Variants in FRMD6 observed in about 807,000 individuals in gnomAD.
The protein encoded by FRMD6 is FERM domain containing 6.
Under a neutral mutation model 73.2 loss-of-function variants are expected in FRMD6, and 37 were observed. The ratio of observed to expected loss-of-function variants is 0.51; its 90% confidence interval spans 0.39 to 0.66. The LOEUF is 0.66. Ranked by LOEUF, FRMD6 falls within the 30% of genes least tolerant of loss-of-function variation. FRMD6 has a pLI of 0.00. For missense variants in FRMD6, 714 were observed against 780.5 expected, an observed-to-expected ratio of 0.91 and a Z score of 1.02; for synonymous variants, 273 against 282.2, an observed-to-expected ratio of 0.97 and a Z score of 0.33.
At chr14:51,585,621 A>G (rs1184051346) in intron 2 of FRMD6, among the ~76,000 whole-genome samples, 2 of 152,070 alleles carry the variant, frequency 1.3e-5, no homozygotes, top group East Asian at 3.9e-4. Context: ...CCTCATCTAT[A>G]AGATAGGAAT....
At chr14:51,545,220 T>A (rs1886405191) in intron 1 of FRMD6, among the ~76,000 whole-genome samples, 1 of 152,100 alleles carries the variant, frequency 6.6e-6, no homozygotes, top group African/African-American at 2.4e-5. Context: ...ATATTTAATA[T>A]CAACTTTTGC....
chr14:51,706,311 G>A (rs1031539484), intron 6 of FRMD6, among the ~76,000 whole-genome samples: 1 of 152,080 alleles, frequency 6.6e-6, no homozygotes, highest in South Asian at 2.1e-4. Flanking sequence ...CGTGTTCTCA[G>A]CAGCACTGTT....
intron 2 of FRMD6, among the ~76,000 whole-genome samples, chr14:51,620,344 A>G (rs1379974191): frequency 6.6e-6 from 1 of 152,176 alleles, no homozygotes; most frequent in African/African-American, 2.4e-5. Context: ...TCATGAAGGA[A>G]ATTCTGTAGG....
the FRMD6 span, among the ~76,000 whole-genome samples, chr14:51,470,050 A>G: frequency 6.6e-6 from 1 of 152,174 alleles, no homozygotes; most frequent in East Asian, 1.9e-4. Context: ...TTTTTTATTT[A>G]ATCTAAAAAC....
intron 2 of FRMD6, among the ~76,000 whole-genome samples, chr14:51,693,051 TTC>T (rs1229588703): frequency 6.6e-6 from 1 of 152,184 alleles, no homozygotes; most frequent in Non-Finnish European, 1.5e-5. Context: ...TTAGCTTCAT[TTC>T]TGTCTTCCCT....
At chr14:51,724,964 C>T (rs1470507667) in intron 12 of FRMD6, among the ~76,000 whole-genome samples, 2 of 152,076 alleles carry the variant, frequency 1.3e-5, no homozygotes, top group Non-Finnish European at 2.9e-5. Flanking sequence ...GGGTTTCCAC[C>T]GAGTGCTAAA....
chr14:51,657,215 CT>C (rs893468395), intron 1 of FRMD6, among the ~76,000 whole-genome samples: 20 of 148,808 alleles, frequency 1.3e-4, no homozygotes, highest in African/African-American at 2.0e-4. Context: ...CAGTAGATGA[CT>C]TTTTTTTTTG....
At chr14:51,470,598 C>A in the FRMD6 span, among the ~76,000 whole-genome samples, 152,326 of 152,326 alleles carry the variant, frequency 1, 76,163 homozygotes, top group Non-Finnish European at 1. Flanking sequence ...TTATCTTTAT[C>A]TTTTTTGCTC....
At chr14:51,711,662 G>T (rs1350782654) in intron 8 of FRMD6, 66 bp downstream of exon 8, 5 of 1,161,816 alleles carry the variant, frequency 4.3e-6, no homozygotes, top group East Asian at 2.3e-5. Flanking sequence ...TGCCTCTGTG[G>T]TCCTGCCACA....
intron 2 of FRMD6, among the ~76,000 whole-genome samples, chr14:51,571,604 C>T (rs1888141679): frequency 6.6e-6 from 1 of 152,146 alleles, no homozygotes; most frequent in Non-Finnish European, 1.5e-5. Flanking sequence ...GTAAATGTGG[C>T]TCCCAAGAGT....
At chr14:51,483,679 C>T in the FRMD6 span, among the ~76,000 whole-genome samples, 4 of 152,094 alleles carry the variant, frequency 2.6e-5, no homozygotes, top group Admixed American at 6.5e-5. Flanking sequence ...AGAAAGCCAT[C>T]GTAGGGTTTT....
chr14:51,444,095 A>AT, the FRMD6 span, among the ~76,000 whole-genome samples: 3 of 152,050 alleles, frequency 2.0e-5, no homozygotes, highest in Non-Finnish European at 4.4e-5. Flanking sequence ...AGCCTGGCTA[A>AT]TTTTTGTATT....
the FRMD6 span, among the ~76,000 whole-genome samples, chr14:51,482,864 C>A: frequency 6.6e-6 from 1 of 151,926 alleles, no homozygotes; most frequent in African/African-American, 2.4e-5. Flanking sequence ...CCACACCTGG[C>A]GAATTTTTTG....
chr14:51,596,716 T>C (rs564709257), intron 2 of FRMD6, among the ~76,000 whole-genome samples: 1 of 152,294 alleles, frequency 6.6e-6, no homozygotes, highest in African/African-American at 2.4e-5. Context: ...GACACATTGG[T>C]GGGTGAGAGT....
intron 1 of FRMD6, among the ~76,000 whole-genome samples, chr14:51,550,503 T>A (rs1326863993): frequency 6.6e-6 from 1 of 152,168 alleles, no homozygotes; most frequent in South Asian, 2.1e-4. Flanking sequence ...CCTGTGTGTC[T>A]GTGGGGTCCT....
At chr14:51,500,957 T>A (rs1883588609) in intron 1 of FRMD6, among the ~76,000 whole-genome samples, 1 of 152,210 alleles carries the variant, frequency 6.6e-6, no homozygotes, top group Non-Finnish European at 1.5e-5. Context: ...GCAGGGATTT[T>A]GCCATGAATA....
upstream of FRMD6, among the ~76,000 whole-genome samples, chr14:51,488,263 T>C (rs1882820898): frequency 6.6e-6 from 1 of 152,204 alleles, no homozygotes; most frequent in African/African-American, 2.4e-5. Flanking sequence ...TGAAGAAGTC[T>C]GGGGGTGGTG....
At chr14:51,539,764 A>G (rs1384930686) in intron 1 of FRMD6, among the ~76,000 whole-genome samples, 1 of 152,202 alleles carries the variant, frequency 6.6e-6, no homozygotes, top group Non-Finnish European at 1.5e-5. Flanking sequence ...AGAAAAATCC[A>G]GCCATCTGAG....
chr14:51,419,827 C>T, the FRMD6 span, among the ~76,000 whole-genome samples: 1 of 152,186 alleles, frequency 6.6e-6, no homozygotes, highest in Admixed American at 6.5e-5. Flanking sequence ...TAGGTGTACT[C>T]ATGTGACTTC....
Sources: gnomAD v4.1 joint callset for allele counts (sites outside exome capture counted in the v4.1 genomes callset) on GRCh38, gnomAD v4.1.1 for gene constraint, MANE v1.5 for transcripts, NCBI Gene and HGNC (gene_info 2026-07-23, HGNC 2026-07-21) for gene names.